The following CACNA2D2 variants were observed in gnomAD, a reference collection of about 807,000 sequenced individuals.
CACNA2D2 encodes the protein calcium voltage-gated channel auxiliary subunit alpha2delta 2.
In CACNA2D2, 48 loss-of-function variants were observed where a neutral mutation model predicts 166.4. That is an observed-to-expected ratio of 0.29 (90% CI 0.23 to 0.37). The LOEUF is 0.37. CACNA2D2 is among the 10% of genes least tolerant of loss of function. CACNA2D2 has a pLI of 1.00. For synonymous variants in CACNA2D2, 561 were observed against 573.7 expected (o/e 0.98, Z 0.32); for missense variants, 1,122 against 1,433.0 (o/e 0.78, Z 3.50).
rs369086276 is a variant in CACNA2D2, at chr3:50,440,323, G to A, written c.289-5894C>T. Among the ~76,000 whole-genome samples the A allele has an allele frequency of 2.6e-5, 4 of 152,366 alleles. No homozygotes were observed. In the East Asian group the frequency reaches 5.8e-4, roughly 22 times the overall value. On this transcript the variant is annotated intron_variant, in intron 2 of 37. Coordinates refer to ENST00000424201, the MANE Select transcript of CACNA2D2 (RefSeq NM_006030.4). ...GGGCACACTATCGGTGCCCAGGCAG[G>A]GGGGCTGCGTGCCACTCAGTTACAT...
intron 17 of CACNA2D2, among the ~76,000 whole-genome samples, chr3:50,377,163 CAT>C (rs1450170371): frequency 1.6e-4 from 24 of 152,228 alleles, no homozygotes; most frequent in Non-Finnish European, 1.5e-5. Context: ...TAAATTGGAA[CAT>C]AGCCATGCCC....
At chr3:50,493,100 C>T (rs1186489597) in intron 1 of CACNA2D2, among the ~76,000 whole-genome samples, 2 of 152,160 alleles carry the variant, frequency 1.3e-5, no homozygotes, top group Non-Finnish European at 2.9e-5. Context: ...GGTCACCCAT[C>T]CCCTTATCTC....
chr3:50,472,538 C>G (rs1013975173), intron 2 of CACNA2D2, among the ~76,000 whole-genome samples: 8 of 152,206 alleles, frequency 5.3e-5, no homozygotes, highest in African/African-American at 1.9e-4. Context: ...AGGAAGGTGT[C>G]TCTCCGAGGT....
intron 3 of CACNA2D2, among the ~76,000 whole-genome samples, chr3:50,400,054 G>A (rs987988735): frequency 6.6e-6 from 1 of 152,230 alleles, no homozygotes; most frequent in African/African-American, 2.4e-5. Context: ...CATTAGCTGT[G>A]TATTGTGCAC....
At chr3:50,500,141 T>C (rs1698896493) in intron 1 of CACNA2D2, among the ~76,000 whole-genome samples, 1 of 152,164 alleles carries the variant, frequency 6.6e-6, no homozygotes, top group Non-Finnish European at 1.5e-5. Flanking sequence ...CACTGACGCA[T>C]GCCCTGTTGT....
rs587676004 is a variant in CACNA2D2 at position 50,387,616 on chromosome 3, G to A, written c.466-4C>T. ...CATAGTACACGATGTCTTCCTCCTGGTGAGGGGAGAGAGGCCTCAGCACTA... is the reference window on the plus strand; with the variant it reads ...CATAGTACACGATGTCTTCCTCCTGATGAGGGGAGAGAGGCCTCAGCACTA... On this transcript the variant is annotated splice_polypyrimidine_tract_variant and splice_region_variant and intron_variant, in intron 4 of 37. Transcript: ENST00000424201. 19 of 1,612,022 alleles carry A rather than the reference G, an allele frequency of 1.2e-5. No homozygotes were observed. The East Asian group carries it at 3.1e-4, about 26-fold the overall frequency.
At chr3:50,405,357 C>T (rs1489534192) in intron 3 of CACNA2D2, among the ~76,000 whole-genome samples, 1 of 107,364 alleles carries the variant, frequency 9.3e-6, no homozygotes, top group South Asian at 2.5e-4. Flanking sequence ...GAGCAAGGGC[C>T]GTGGTGGGGA....
rs587646225 is a variant in CACNA2D2, at chr3:50,376,340, C to T, written c.1627-152G>A. The T allele has an allele frequency of 3.6e-5, 29 of 813,968 alleles. 1 individual carries two copies. In the South Asian group the frequency reaches 4.4e-4, roughly 12 times the overall value. 50.4% of individuals were successfully genotyped at this position (813,968 alleles called of 1,614,324 possible). A position where few individuals can be genotyped will look rare whatever the true frequency, so the allele number is the denominator to read the frequency against. ...CCCCCCCATGCCACGTGGCCCTAAG[C>T]CTGTCTCTCCAGCCAGGCCCGCAGG... On this transcript the variant is annotated intron_variant, in intron 17 of 37. Transcript: ENST00000424201. The surrounding 1 kb of genome is among the most constrained non-coding windows in gnomAD (Gnocchi z 4.3).
chr3:50,503,761 A>T (rs1174819749), upstream of CACNA2D2: 1 of 125,918 alleles, frequency 7.9e-6, no homozygotes, highest in Non-Finnish European at 1.7e-5. Context: ...CGCCGCGGCC[A>T]CGCGCCCACC....
At chr3:50,462,427 A>AATAATC (rs1709631643) in intron 2 of CACNA2D2, among the ~76,000 whole-genome samples, 1 of 144,486 alleles carries the variant, frequency 6.9e-6, no homozygotes, top group Non-Finnish European at 1.5e-5. Flanking sequence ...TAATAATAAT[A>AATAATC]ATAATGATAA....
At chr3:50,390,956 G>A (rs1190472031) in intron 4 of CACNA2D2, among the ~76,000 whole-genome samples, 2 of 152,264 alleles carry the variant, frequency 1.3e-5, no homozygotes, top group Non-Finnish European at 2.9e-5. Context: ...GCACCAGTGA[G>A]GACGCTTGGC....
intron 13 of CACNA2D2, 144 bp from the exon 14 acceptor site, chr3:50,378,477 C>T (rs1705110161): frequency 6.3e-6 from 5 of 798,818 alleles, no homozygotes; most frequent in African/African-American, 3.4e-5. Flanking sequence ...CTAGTGCTCC[C>T]GGCCTCTGCC....
At chr3:50,432,788 C>T (rs1022929381) in intron 3 of CACNA2D2, among the ~76,000 whole-genome samples, 1 of 152,216 alleles carries the variant, frequency 6.6e-6, no homozygotes, top group Non-Finnish European at 1.5e-5. Context: ...GCAGTCTCCA[C>T]CTATTTCATG....
intron 1 of CACNA2D2, among the ~76,000 whole-genome samples, chr3:50,477,033 C>T (rs1458849139): frequency 6.6e-6 from 1 of 151,760 alleles, no homozygotes; most frequent in East Asian, 1.9e-4. Context: ...GGGTTCATGC[C>T]ATTCTCCCGC....
intron 3 of CACNA2D2, among the ~76,000 whole-genome samples, chr3:50,402,794 C>T (rs779851085): frequency 1.3e-5 from 2 of 152,222 alleles, no homozygotes; most frequent in Non-Finnish European, 2.9e-5. Flanking sequence ...GTGTCAGTTT[C>T]CCTCCCCCTA....
At chr3:50,499,359 G>A (rs940381210) in intron 1 of CACNA2D2, among the ~76,000 whole-genome samples, 6 of 152,186 alleles carry the variant, frequency 3.9e-5, no homozygotes, top group Non-Finnish European at 5.9e-5. Context: ...GCTACCGCCC[G>A]GCTGCAACAT....
chr3:50,371,367 T>TGTGC (rs1205117800), intron 22 of CACNA2D2, among the ~76,000 whole-genome samples: 11 of 152,096 alleles, frequency 7.2e-5, no homozygotes, highest in South Asian at 2.1e-4. Flanking sequence ...TGTGTGTGTG[T>TGTGC]GTGCCTAAGT....
In CACNA2D2 at chr3:50,367,030, C is replaced by T. The variant is rs746191554; in HGVS notation, c.2481G>A (p.Arg827=). 1.9e-6 allele frequency: 3 copies of T among 1,613,814 alleles called. No homozygotes were observed. In the Admixed American group the frequency reaches 5.0e-5, roughly 27 times the overall value. The change falls in exon 28 of 38, where the codon AGG becomes AGA. Residue 827 remains arginine (R), a synonymous_variant. Transcript: ENST00000424201. This position sits in a 1 kb window ranked among gnomAD's most constrained non-coding sequence, Gnocchi z 6.5. ...ATTCACCTGCTGGCCTCAGTGTGCGCCTGCCTAGGCTGAGCTCCACAGCTG... is the reference window on the plus strand; with the variant it reads ...ATTCACCTGCTGGCCTCAGTGTGCGTCTGCCTAGGCTGAGCTCCACAGCTG... ...VSTAVELSLG[R]RTLRPAVVGV...
intron 2 of CACNA2D2, among the ~76,000 whole-genome samples, chr3:50,439,747 T>C (rs1708503232): frequency 2.0e-5 from 3 of 152,192 alleles, no homozygotes; most frequent in African/African-American, 7.2e-5. Flanking sequence ...CGGGGTCAGC[T>C]GCCAGACTGG....
Sources: gnomAD v4.1 joint callset for allele counts (sites outside exome capture counted in the v4.1 genomes callset) on GRCh38, gnomAD v4.1.1 for gene constraint, Gnocchi (gnomAD v3.1) non-coding constraint, MANE v1.5 for transcripts, NCBI Gene and HGNC (gene_info 2026-07-23, HGNC 2026-07-21) for gene names.